Variants in SEMA6D observed in about 807,000 individuals in gnomAD.
SEMA6D encodes the protein semaphorin 6D.
In SEMA6D, 35 loss-of-function variants were observed where a neutral mutation model predicts 106.6. The ratio of observed to expected loss-of-function variants is 0.33; its 90% confidence interval spans 0.25 to 0.44. SEMA6D has a LOEUF of 0.44. SEMA6D is among the 20% of genes least tolerant of loss of function. The pLI is 1.00. For missense variants in SEMA6D, 1,185 were observed against 1,345.9 expected (o/e 0.88, Z 1.87); for synonymous variants, 499 against 487.7 (o/e 1.02, Z -0.31).
intron 4 of SEMA6D, among the ~76,000 whole-genome samples, chr15:47,623,910 G>A (rs759910144): frequency 3.1e-4 from 47 of 152,034 alleles, no homozygotes; most frequent in Non-Finnish European, 6.2e-4. Context: ...CCCATGAAAC[G>A]AACTGAGAAT....
intron 4 of SEMA6D, among the ~76,000 whole-genome samples, chr15:47,629,305 C>A (rs1361036847): frequency 6.6e-6 from 1 of 151,904 alleles, no homozygotes; most frequent in Non-Finnish European, 1.5e-5. Flanking sequence ...ATCTATGACT[C>A]TAGAAAACTA....
chr15:47,620,113 A>T (rs1012550630), intron 4 of SEMA6D, among the ~76,000 whole-genome samples: 1 of 152,212 alleles, frequency 6.6e-6, no homozygotes, highest in African/African-American at 2.4e-5. Flanking sequence ...GTCATAGCAC[A>T]GTGATCCTCC....
intron 1 of SEMA6D, among the ~76,000 whole-genome samples, chr15:47,374,569 G>T (rs1330218005): frequency 6.6e-6 from 1 of 152,116 alleles, no homozygotes; most frequent in Non-Finnish European, 1.5e-5. Flanking sequence ...AAGCCCCTGT[G>T]AAGGCTAGTT....
chr15:47,700,483 C>G (rs1226865291), intron 4 of SEMA6D, among the ~76,000 whole-genome samples: 1 of 152,110 alleles, frequency 6.6e-6, no homozygotes. Flanking sequence ...TTACAGTGAC[C>G]TATGATGAAG....
At chr15:47,671,753 A>G (rs2078141303) in intron 4 of SEMA6D, among the ~76,000 whole-genome samples, 1 of 152,224 alleles carries the variant, frequency 6.6e-6, no homozygotes, top group Non-Finnish European at 1.5e-5. Context: ...TGGTAGCAAT[A>G]AAACGGAATT....
chr15:47,332,156 G>A (rs1234288995), intron 1 of SEMA6D, among the ~76,000 whole-genome samples: 1 of 152,156 alleles, frequency 6.6e-6, no homozygotes, highest in African/African-American at 2.4e-5. Context: ...GACATCTTTG[G>A]TAATTCTACT....
At chr15:47,230,984 C>T (rs756463737) in intron 1 of SEMA6D, among the ~76,000 whole-genome samples, 1 of 151,744 alleles carries the variant, frequency 6.6e-6, no homozygotes, top group Non-Finnish European at 1.5e-5. Context: ...TACTTTTTAC[C>T]CCCTTTCCTC....
chr15:47,294,029 CT>C (rs558386835), intron 1 of SEMA6D, among the ~76,000 whole-genome samples: 36 of 151,926 alleles, frequency 2.4e-4, no homozygotes, highest in Non-Finnish European at 4.9e-4. Context: ...GTTGAAGCAA[CT>C]TTTTTTTGTT....
chr15:47,766,760 T>A, intron 16 of SEMA6D, 83 bp downstream of exon 16: 1 of 979,634 alleles, frequency 1.0e-6, no homozygotes, highest in Non-Finnish European at 1.6e-6. Flanking sequence ...TCAGTCTTTT[T>A]AATGACTCAG....
At chr15:47,428,819 A>C (rs1478783159) in intron 2 of SEMA6D, among the ~76,000 whole-genome samples, 2 of 152,018 alleles carry the variant, frequency 1.3e-5, no homozygotes, top group Admixed American at 1.3e-4. Flanking sequence ...CTCCCTGGCA[A>C]TTGGTATTTA....
At chr15:47,466,631 T>A (rs1337829968) in intron 2 of SEMA6D, among the ~76,000 whole-genome samples, 1 of 152,120 alleles carries the variant, frequency 6.6e-6, no homozygotes, top group African/African-American at 2.4e-5. Context: ...AGTGCACATA[T>A]CTCTTTAATG....
intron 1 of SEMA6D, among the ~76,000 whole-genome samples, chr15:47,212,027 G>T (rs1486875845): frequency 6.6e-6 from 1 of 152,024 alleles, no homozygotes; most frequent in African/African-American, 2.4e-5. Context: ...ATGTTAAGGA[G>T]GCCAGGATGG....
chr15:47,284,510 C>T (rs1209469058), intron 1 of SEMA6D, among the ~76,000 whole-genome samples: 1 of 152,134 alleles, frequency 6.6e-6, no homozygotes, highest in East Asian at 1.9e-4. Context: ...CTAGGTTGTA[C>T]TGTAAATTTG....
At chr15:47,288,478 C>T (rs770428408) in intron 1 of SEMA6D, among the ~76,000 whole-genome samples, 1 of 152,110 alleles carries the variant, frequency 6.6e-6, no homozygotes, top group Non-Finnish European at 1.5e-5. Context: ...GAAATTAAGA[C>T]TTGGAAAGTT....
chr15:47,555,319 T>C (rs2045885006), intron 3 of SEMA6D, among the ~76,000 whole-genome samples: 1 of 152,158 alleles, frequency 6.6e-6, no homozygotes, highest in Non-Finnish European at 1.5e-5. Context: ...ATAACGGTTA[T>C]CTGTTGTTAA....
intron 4 of SEMA6D, among the ~76,000 whole-genome samples, chr15:47,697,622 T>G (rs904593144): frequency 7.9e-5 from 12 of 152,312 alleles, no homozygotes; most frequent in Admixed American, 5.9e-4. Flanking sequence ...CCAAAACCCT[T>G]TTAGCCCATT....
chr15:47,281,619 A>G (rs920710246), intron 1 of SEMA6D, among the ~76,000 whole-genome samples: 1 of 152,096 alleles, frequency 6.6e-6, no homozygotes, highest in Non-Finnish European at 1.5e-5. Context: ...GTTTCTTCCT[A>G]GTCTCAATGG....
At chr15:47,409,695 A>G (rs1234807769) in intron 1 of SEMA6D, among the ~76,000 whole-genome samples, 1 of 152,118 alleles carries the variant, frequency 6.6e-6, no homozygotes, top group East Asian at 1.9e-4. Context: ...TTATTTGTCA[A>G]AAGCCACCAA....
intron 1 of SEMA6D, among the ~76,000 whole-genome samples, chr15:47,206,329 G>A (rs1319959089): frequency 6.6e-6 from 1 of 152,176 alleles, no homozygotes; most frequent in African/African-American, 2.4e-5. Flanking sequence ...TGGCCAACAG[G>A]TTGGTCGTGT....
Sources: gnomAD v4.1 joint callset for allele counts (sites outside exome capture counted in the v4.1 genomes callset) on GRCh38, gnomAD v4.1.1 for gene constraint, MANE v1.5 for transcripts, NCBI Gene and HGNC (gene_info 2026-07-23, HGNC 2026-07-21) for gene names.